Variants in HMCES observed in about 807,000 individuals in gnomAD.
HMCES encodes 5-hydroxymethylcytosine binding, ES cell specific.
In HMCES, 27 loss-of-function variants were observed where a neutral mutation model predicts 35.1. That is an observed-to-expected ratio of 0.77 (90% CI 0.57 to 1.06). The LOEUF (loss-of-function observed/expected upper bound fraction) is 1.06. Ranked by LOEUF, HMCES falls within the 50% of genes least tolerant of loss-of-function variation. The probability of loss-of-function intolerance (pLI) is 0.00; values close to 1 mark genes in which losing one functional copy is unlikely to be tolerated. For synonymous variants in HMCES, 130 were observed against 154.7 expected, an observed-to-expected ratio of 0.84 and a Z score of 1.18; for missense variants, 391 against 430.4, an observed-to-expected ratio of 0.91 and a Z score of 0.81.
intron 4 of HMCES, among the ~76,000 whole-genome samples, chr3:129,295,734 A>G (rs571925854): frequency 2.9e-4 from 44 of 152,096 alleles, no homozygotes; most frequent in Non-Finnish European, 5.3e-4. Flanking sequence ...TAATGCATAA[A>G]TGTGTGCTGC....
In HMCES at chr3:129,280,284, G is replaced by A. The variant is rs143052933; in HGVS notation, c.183+369G>A. 2.5e-3 allele frequency among the ~76,000 whole-genome samples: 387 copies of A among 152,228 alleles called. 4 individuals carry two copies. The highest frequency in any genetic ancestry group is 2.9e-3 in the South Asian group (14 of 4,820). On this transcript the variant is annotated intron_variant, in intron 2 of 6. Transcript: ENST00000383463. ...TTTAAGGCCAGGTGCCATGGCTCAT[G>A]CCTGTAACCCCAGCACTTTGGGAAG...
intron 2 of HMCES, among the ~76,000 whole-genome samples, chr3:129,283,334 CTTTTT>C (rs200342278): frequency 3.4e-4 from 48 of 139,174 alleles, no homozygotes; most frequent in Admixed American, 2.2e-4. Context: ...GCTTGGAAGA[CTTTTT>C]TTTTTTTTTG....
At chr3:129,302,211 G>A (rs1576995303) in intron 6 of HMCES, 69 bp downstream of exon 6, 1 of 1,350,900 alleles carries the variant, frequency 7.4e-7, no homozygotes, top group African/African-American at 1.5e-5. Flanking sequence ...CTTTCTTTCA[G>A]GATGTGGCCT....
rs529983430 is a variant in HMCES, at chr3:129,293,344, A to G, written c.453+2540A>G. The stretch of plus-strand genomic sequence containing the variant: ...CACTAAAGAATTTATTCATGTAACC[A>G]GACACCACCTGTTCCCCAGAAACCT... On this transcript the variant is annotated intron_variant, in intron 4 of 6. Transcript: ENST00000383463. Among the ~76,000 whole-genome samples the G allele has an allele frequency of 3.3e-5, 5 of 152,312 alleles. No individual in the cohort carries two copies. In the East Asian group the frequency reaches 9.6e-4, roughly 29 times the overall value.
At position 129,285,417 on chromosome 3, in the gene HMCES, G is replaced by A. The variant is rs546693771; in HGVS notation, c.184-3437G>A. ...ATAAGGAAAGTTGAAGGCCCAAGAAGTTGAGACTAGTCCAACCTCATAAGT... is the reference window on the plus strand; with the variant it reads ...ATAAGGAAAGTTGAAGGCCCAAGAAATTGAGACTAGTCCAACCTCATAAGT... On this transcript the variant is annotated intron_variant, in intron 2 of 6. Transcript: ENST00000383463. 7.9e-5 allele frequency among the ~76,000 whole-genome samples: 12 copies of A among 152,072 alleles called. No individual in the cohort carries two copies. In the South Asian group the frequency reaches 2.5e-3, roughly 32 times the overall value.
At position 129,289,148 on chromosome 3, in the gene HMCES, A is replaced by G. The variant is rs578061053; in HGVS notation, c.327+151A>G. 8 of 582,316 alleles carry G rather than the reference A, an allele frequency of 1.4e-5. No homozygotes were observed. The South Asian group carries it at 3.3e-4, about 24-fold the overall frequency. The allele number at this position is 582,316 out of a possible 1,614,324, so 36.1% of individuals were successfully genotyped here. On this transcript the variant is annotated intron_variant, in intron 3 of 6. Coordinates refer to ENST00000383463, the MANE Select transcript of HMCES (RefSeq NM_020187.3). ...TGTTAATGTGGAATGCTATTTTGTT[A>G]CTACATAACAAACCACACCAGACTT...
At chr3:129,281,965 G>A (rs1391669168) in intron 2 of HMCES, among the ~76,000 whole-genome samples, 1 of 151,136 alleles carries the variant, frequency 6.6e-6, no homozygotes, top group East Asian at 1.9e-4. Context: ...AATGTTCTTG[G>A]TTGAATGAAG....
chr3:129,288,524 A>G (rs1244580906), intron 2 of HMCES, among the ~76,000 whole-genome samples: 3 of 151,000 alleles, frequency 2.0e-5, no homozygotes, highest in African/African-American at 7.4e-5. Context: ...GCGAAACCCC[A>G]TCTCTATAAA....
intron 4 of HMCES, among the ~76,000 whole-genome samples, chr3:129,291,369 A>G (rs1395852128): frequency 2.6e-5 from 4 of 152,238 alleles, no homozygotes; most frequent in Non-Finnish European, 5.9e-5. Context: ...CTACATATCC[A>G]TTAGCAATCA....
intron 6 of HMCES, among the ~76,000 whole-genome samples, chr3:129,302,719 A>G (rs1394285317): frequency 2.0e-5 from 3 of 151,976 alleles, no homozygotes; most frequent in Non-Finnish European, 4.4e-5. Context: ...GCGTTTCAAA[A>G]AAAAGAAGCT....
At chr3:129,294,681 T>G (rs1056821082) in intron 4 of HMCES, among the ~76,000 whole-genome samples, 1 of 152,204 alleles carries the variant, frequency 6.6e-6, no homozygotes, top group Non-Finnish European at 1.5e-5. Flanking sequence ...AGAAAAGTCT[T>G]TGTACACGTA....
Position 129,291,712 on chromosome 3 carries a change from G to A in HMCES, c.453+908G>A, listed in dbSNP as rs2071019503. On this transcript the variant is annotated intron_variant, in intron 4 of 6. Transcript: ENST00000383463. ...CATGGATTTGTTTTCATCTCTCTTG[G>A]ATAGATGCCTAGGAGTGGAATTGCT... Among the ~76,000 whole-genome samples, 3 of 152,234 alleles carry A rather than the reference G, an allele frequency of 2.0e-5. No individual in the cohort carries two copies. The South Asian group carries it at 6.2e-4, about 32-fold the overall frequency.
chr3:129,293,434 G>A (rs1311046422), intron 4 of HMCES, among the ~76,000 whole-genome samples: 2 of 151,848 alleles, frequency 1.3e-5, no homozygotes, highest in Non-Finnish European at 2.9e-5. Flanking sequence ...ACACACAAAT[G>A]ATTTGGTACA....
At position 129,305,063 on chromosome 3, in the gene HMCES, C is replaced by G; in HGVS notation, c.*238C>G. Reference sequence around the variant, plus strand: ...CCATGTGGGCCCCATAGGGGCACTGCGCCTGCTGCCCTTTCCTGGCAGGGC... The same window carrying G: ...CCATGTGGGCCCCATAGGGGCACTGGGCCTGCTGCCCTTTCCTGGCAGGGC... On this transcript the variant is annotated 3_prime_UTR_variant, in exon 7 of 7. Coordinates refer to ENST00000383463, the MANE Select transcript of HMCES (RefSeq NM_020187.3). The G allele has an allele frequency of 1.8e-6, 1 of 551,054 alleles. No homozygotes were observed. The highest frequency in any genetic ancestry group is 2.2e-5 in the South Asian group (1 of 44,488). 34.1% of individuals were successfully genotyped at this position (551,054 alleles called of 1,614,324 possible).
chr3:129,290,510 C>G (rs1277143679), intron 3 of HMCES, among the ~76,000 whole-genome samples, 169 bp from the exon 4 acceptor site: 1 of 152,108 alleles, frequency 6.6e-6, no homozygotes, highest in Non-Finnish European at 1.5e-5. Flanking sequence ...TCTCGAACTC[C>G]TGACCTCAAG....
chr3:129,289,941 A>G (rs1200040027), intron 3 of HMCES, among the ~76,000 whole-genome samples: 3 of 152,080 alleles, frequency 2.0e-5, no homozygotes, highest in Non-Finnish European at 2.9e-5. Context: ...TAATCCCAGC[A>G]CTTTGGGAGG....
chr3:129,291,115 T>A (rs532705300), intron 4 of HMCES, among the ~76,000 whole-genome samples: 19 of 151,990 alleles, frequency 1.3e-4, no homozygotes, highest in African/African-American at 4.6e-4. Flanking sequence ...GGTGGGAGGA[T>A]CACTTGAACC....
intron 2 of HMCES, among the ~76,000 whole-genome samples, chr3:129,281,610 G>A (rs556371217): frequency 1.3e-5 from 2 of 152,134 alleles, no homozygotes; most frequent in South Asian, 4.2e-4. Flanking sequence ...AGAATCGCTT[G>A]AACCCGGGAG....
intron 6 of HMCES, among the ~76,000 whole-genome samples, chr3:129,304,147 A>G (rs939632393): frequency 6.6e-6 from 1 of 152,222 alleles, no homozygotes; most frequent in African/African-American, 2.4e-5. Flanking sequence ...TAAAGGAAGC[A>G]GAAGGGAGTA....
Sources: allele counts gnomAD v4.1 joint callset (sites outside exome capture counted in the v4.1 genomes callset), GRCh38; gene constraint gnomAD v4.1.1; transcripts MANE v1.5; gene names NCBI Gene and HGNC (gene_info 2026-07-23, HGNC 2026-07-21).